TSHZ2: variants seen among roughly 807,000 people sequenced by gnomAD.
The protein encoded by TSHZ2 is teashirt homolog 2.
Under a neutral mutation model 74.4 loss-of-function variants are expected in TSHZ2, and 21 were observed. The observed-to-expected ratio is 0.28, with a 90% CI of 0.20 to 0.41. The LOEUF is 0.41. Ranked by LOEUF, TSHZ2 falls within the 10% of genes least tolerant of loss-of-function variation. The pLI, the probability that TSHZ2 is intolerant of heterozygous loss-of-function variation, is 1.00. For missense variants in TSHZ2, 1,244 were observed against 1,293.5 expected, an observed-to-expected ratio of 0.96 and a Z score of 0.59; for synonymous variants, 540 against 515.3, an observed-to-expected ratio of 1.05 and a Z score of -0.65.
At chr20:53,050,798 TCA>T (rs1277270455) in intron 1 of TSHZ2, among the ~76,000 whole-genome samples, 1 of 152,218 alleles carries the variant, frequency 6.6e-6, no homozygotes, top group African/African-American at 2.4e-5. Context: ...TGTGTAAACC[TCA>T]GAGTATTTGC....
chr20:53,115,108 A>C (rs979561558), intron 1 of TSHZ2, among the ~76,000 whole-genome samples: 3 of 152,152 alleles, frequency 2.0e-5, no homozygotes, highest in Admixed American at 2.0e-4. Flanking sequence ...ACAAATGCTC[A>C]TCAAGGCCCT....
At chr20:53,295,337 G>A (rs1568856498) in intron 2 of TSHZ2, among the ~76,000 whole-genome samples, 1 of 152,078 alleles carries the variant, frequency 6.6e-6, no homozygotes, top group South Asian at 2.1e-4. Context: ...CTGTATGTCC[G>A]TTTTTCCTAT....
intron 2 of TSHZ2, among the ~76,000 whole-genome samples, chr20:53,471,606 C>T (rs181649258): frequency 6.6e-6 from 1 of 152,170 alleles, no homozygotes; most frequent in East Asian, 1.9e-4. Context: ...TGAAAAGGTG[C>T]TGGCCAAACA....
At chr20:53,072,834 T>A (rs115811893) in intron 1 of TSHZ2, among the ~76,000 whole-genome samples, 142 of 152,284 alleles carry the variant, frequency 9.3e-4, no homozygotes, top group African/African-American at 3.3e-3. Context: ...GGATCAACCA[T>A]TAGCCTTGAA....
chr20:53,185,321 T>C (rs776380124), intron 1 of TSHZ2: 585 of 1,099,022 alleles, frequency 5.3e-4, no homozygotes, highest in Non-Finnish European at 6.2e-4. Flanking sequence ...GTAGGCTCTA[T>C]TGCAATACAT....
intron 2 of TSHZ2, among the ~76,000 whole-genome samples, chr20:53,275,881 C>G (rs183508328): frequency 6.6e-6 from 1 of 152,292 alleles, no homozygotes; most frequent in Non-Finnish European, 1.5e-5. Context: ...GAGCCGAGAT[C>G]GCACCATTGC....
intron 1 of TSHZ2, among the ~76,000 whole-genome samples, chr20:52,997,435 T>G (rs566009859): frequency 1.8e-4 from 27 of 152,318 alleles, no homozygotes; most frequent in African/African-American, 6.5e-4. Flanking sequence ...AGTCCCTTAA[T>G]CCTTTAATGA....
At position 53,253,701 on chromosome 20, in the gene TSHZ2, C is replaced by T. The variant is rs1990385103; in HGVS notation, c.243C>T (p.Asn81=). The change falls in exon 2 of 3, where the codon AAC becomes AAT. Residue 81 remains asparagine, a synonymous_variant. Coordinates refer to ENST00000371497, the MANE Select transcript of TSHZ2 (RefSeq NM_173485.6). ...ATTTGTCCAATCAGGATGCCGAGAA[C>T]GAGTCTCTGCTGAGTGACGCCAGTG... ...GSHLSNQDAE[N]ESLLSDASDQ... 4.3e-6 allele frequency: 7 copies of T among 1,613,992 alleles called. No individual in the cohort carries two copies. The highest frequency in any genetic ancestry group is 2.7e-5 in the African/African-American group (2 of 74,902).
At chr20:53,465,304 T>C (rs1461700222) in intron 2 of TSHZ2, among the ~76,000 whole-genome samples, 1 of 152,148 alleles carries the variant, frequency 6.6e-6, no homozygotes, top group East Asian at 1.9e-4. Context: ...AGAGTCTCGC[T>C]CTGTCACCCA....
intron 1 of TSHZ2, among the ~76,000 whole-genome samples, chr20:53,176,352 C>T (rs1344451700): frequency 6.6e-6 from 1 of 152,192 alleles, no homozygotes; most frequent in African/African-American, 2.4e-5. Flanking sequence ...GTCAGAGGGA[C>T]AGTGCTAGAA....
At chr20:53,309,756 T>C (rs376061256) in intron 2 of TSHZ2, among the ~76,000 whole-genome samples, 11 of 152,334 alleles carry the variant, frequency 7.2e-5, no homozygotes, top group Middle Eastern at 3.4e-3. Context: ...GCATCTAACC[T>C]TCCTGTCATT....
chr20:53,181,149 C>T (rs1988458076), intron 1 of TSHZ2, among the ~76,000 whole-genome samples: 1 of 152,160 alleles, frequency 6.6e-6, no homozygotes, highest in African/African-American at 2.4e-5. Context: ...AAGAACTTAC[C>T]CTGGCCCCGC....
intron 1 of TSHZ2, among the ~76,000 whole-genome samples, chr20:53,143,780 T>A (rs1293521637): frequency 6.6e-6 from 1 of 152,062 alleles, no homozygotes; most frequent in Non-Finnish European, 1.5e-5. Flanking sequence ...TCCCAGTGGG[T>A]TCTCCTTGCC....
intron 2 of TSHZ2, among the ~76,000 whole-genome samples, chr20:53,352,630 C>T (rs1184229107): frequency 6.6e-6 from 1 of 151,764 alleles, no homozygotes; most frequent in Non-Finnish European, 1.5e-5. Context: ...AAAAATTAAC[C>T]AGGCAAGGTG....
At chr20:53,417,734 T>TC (rs1446049001) in intron 2 of TSHZ2, among the ~76,000 whole-genome samples, 2 of 152,214 alleles carry the variant, frequency 1.3e-5, no homozygotes, top group Non-Finnish European at 2.9e-5. Flanking sequence ...CATTTGCTTC[T>TC]CTTTTTTTTC....
chr20:53,441,756 A>G (rs1278177046), intron 2 of TSHZ2, among the ~76,000 whole-genome samples: 1 of 149,244 alleles, frequency 6.7e-6, no homozygotes, highest in Non-Finnish European at 1.5e-5. Context: ...TAATTTTTGT[A>G]TTTTCAATAG....
chr20:53,233,380 G>C (rs1177073020), intron 1 of TSHZ2, among the ~76,000 whole-genome samples: 1 of 152,188 alleles, frequency 6.6e-6, no homozygotes, highest in Non-Finnish European at 1.5e-5. Flanking sequence ...AAAATCCCAT[G>C]AGACTATGTA....
intron 2 of TSHZ2, among the ~76,000 whole-genome samples, chr20:53,381,850 C>A (rs1422505111): frequency 6.6e-6 from 1 of 152,224 alleles, no homozygotes; most frequent in Non-Finnish European, 1.5e-5. Context: ...ACAGAGATGT[C>A]CCCATTCCCA....
At chr20:53,237,523 GT>G in intron 1 of TSHZ2, among the ~76,000 whole-genome samples, 1 of 152,098 alleles carries the variant, frequency 6.6e-6, no homozygotes, top group Admixed American at 6.5e-5. Flanking sequence ...GTGTGTGTGT[GT>G]GTGCGCGTGC....
Sources: allele counts gnomAD v4.1 joint callset (sites outside exome capture counted in the v4.1 genomes callset), GRCh38; gene constraint gnomAD v4.1.1; transcripts MANE v1.5; gene names NCBI Gene and HGNC (gene_info 2026-07-23, HGNC 2026-07-21).